The following FAF1 variants were observed in gnomAD, a reference collection of about 807,000 sequenced individuals.
FAF1 encodes FAS-associated factor 1.
A neutral mutation model predicts 92.5 loss-of-function variants in FAF1; 25 were observed. The ratio of observed to expected loss-of-function variants is 0.27; its 90% CI spans 0.20 to 0.38. FAF1 has a LOEUF of 0.38. FAF1 is among the 10% of genes least tolerant of loss of function. The pLI is 1.00. For synonymous variants in FAF1, 234 were observed against 273.2 expected (o/e 0.86, Z 1.42); for missense variants, 636 against 793.3 (o/e 0.80, Z 2.38).
intron 4 of FAF1, among the ~76,000 whole-genome samples, chr1:50,781,738 T>G (rs1254019566): frequency 1.3e-5 from 2 of 152,224 alleles, no homozygotes; most frequent in Non-Finnish European, 2.9e-5. Context: ...TTCTATGATA[T>G]AGCACATATT....
At chr1:50,745,293 C>A (rs930981748) in intron 4 of FAF1, among the ~76,000 whole-genome samples, 5 of 151,972 alleles carry the variant, frequency 3.3e-5, no homozygotes, top group Middle Eastern at 3.4e-3. Flanking sequence ...AAGAGAAAAA[C>A]CCCATCTCAA....
In FAF1 at chr1:50,736,934, A is replaced by T. The variant is rs907760721; in HGVS notation, c.551+1929T>A. ...TTTCAATATATATGCTATTTTAAAA[A>T]TCTCTAGTTTTATAGAAAGATACAT... On this transcript the variant is annotated intron_variant, in intron 6 of 18. Coordinates refer to ENST00000396153, the MANE Select transcript of FAF1 (RefSeq NM_007051.3). Among the ~76,000 whole-genome samples the T allele has an allele frequency of 3.5e-4, 53 of 152,290 alleles. 1 individual carries two copies. In the East Asian group the frequency reaches 0.01, roughly 29 times the overall value.
At chr1:50,839,241 A>G (rs1557552688) in intron 2 of FAF1, among the ~76,000 whole-genome samples, 1 of 152,166 alleles carries the variant, frequency 6.6e-6, no homozygotes, top group Non-Finnish European at 1.5e-5. Context: ...CAAGAAAAAA[A>G]TCAAGCTACT....
At chr1:50,879,080 TC>T (rs1235346367) in intron 1 of FAF1, among the ~76,000 whole-genome samples, 1 of 152,100 alleles carries the variant, frequency 6.6e-6, no homozygotes, top group African/African-American at 2.4e-5. Context: ...ACCCCGTCTC[TC>T]CTAGAAATAC....
In FAF1 at chr1:50,583,061, G is replaced by A. The variant is rs139830344; in HGVS notation, c.1032-362C>T. Among the ~76,000 whole-genome samples, 1 of 151,778 alleles carries A rather than the reference G, an allele frequency of 6.6e-6. No individual in the cohort carries two copies. Among genetic ancestry groups the A allele is most frequent in the Non-Finnish European group, 1.5e-5 (1 of 67,830 alleles). On this transcript the variant is annotated intron_variant, in intron 11 of 18. Coordinates refer to ENST00000396153, the MANE Select transcript of FAF1 (RefSeq NM_007051.3). This position sits in a 1 kb window ranked among gnomAD's most constrained non-coding sequence, Gnocchi z 4.2. ...ATTTATTCCAGAATTCCAATAGAAG[G>A]AAAAAACTGTTTCTTTTAAAAGTCT...
chr1:50,657,532 G>C (rs1002554693), intron 7 of FAF1, among the ~76,000 whole-genome samples: 26 of 152,080 alleles, frequency 1.7e-4, no homozygotes, highest in African/African-American at 6.3e-4. Flanking sequence ...ACTGAACTCT[G>C]GGTGACACAG....
At chr1:50,651,474 T>G (rs1654861697) in intron 8 of FAF1, among the ~76,000 whole-genome samples, 1 of 152,166 alleles carries the variant, frequency 6.6e-6, no homozygotes. Context: ...AATCCAATGA[T>G]ATCTAAGGCT....
At chr1:50,782,627 C>T (rs1255374554) in intron 4 of FAF1, among the ~76,000 whole-genome samples, 1 of 152,144 alleles carries the variant, frequency 6.6e-6, no homozygotes, top group Non-Finnish European at 1.5e-5. Context: ...GCAATCCTCC[C>T]ACCTAGGCCT....
At chr1:50,892,911 G>T (rs529101240) in intron 1 of FAF1, among the ~76,000 whole-genome samples, 1 of 152,156 alleles carries the variant, frequency 6.6e-6, no homozygotes, top group East Asian at 1.9e-4. Context: ...TCCTCTGACT[G>T]TATTTTTAAG....
In FAF1 at chr1:50,467,990, T is replaced by G. The variant is rs567645089; in HGVS notation, c.1869+7474A>C. Among the ~76,000 whole-genome samples the G allele has an allele frequency of 3.3e-5, 5 of 152,282 alleles. No homozygotes were observed. The South Asian group carries it at 8.3e-4, about 25-fold the overall frequency. ...TTGGATAGCCAAAGTAGGCAGATCA[T>G]CTGAGCCCAGGAGTTCGAGACTAGT... On this transcript the variant is annotated intron_variant, in intron 18 of 18. Coordinates refer to ENST00000396153, the MANE Select transcript of FAF1 (RefSeq NM_007051.3).
At chr1:50,521,413 C>T (rs959838703) in intron 15 of FAF1, among the ~76,000 whole-genome samples, 5 of 152,112 alleles carry the variant, frequency 3.3e-5, no homozygotes, top group Admixed American at 3.3e-4. Flanking sequence ...TCTTCCAATT[C>T]TTTTTAAAAG....
rs574309190 is a variant in FAF1, at chr1:50,667,075, T to C, written c.658-11547A>G. Among the ~76,000 whole-genome samples, 8 of 152,360 alleles carry C rather than the reference T, an allele frequency of 5.3e-5. No individual in the cohort carries two copies. In the South Asian group the frequency reaches 1.2e-3, roughly 24 times the overall value. ...GCCAGAACAAATAGCAACTTGTTAT[T>C]GTTTCAACAATTGAATGCTTCACAG... On this transcript the variant is annotated intron_variant, in intron 7 of 18. Transcript: ENST00000396153.
chr1:50,540,025 G>A (rs1410758142), intron 13 of FAF1, among the ~76,000 whole-genome samples: 2 of 152,014 alleles, frequency 1.3e-5, no homozygotes, highest in African/African-American at 4.8e-5. Context: ...AGGCTGGAGT[G>A]CAGTGTTGTG....
At chr1:50,693,570 A>T (rs1465713064) in intron 7 of FAF1, among the ~76,000 whole-genome samples, 1 of 152,142 alleles carries the variant, frequency 6.6e-6, no homozygotes, top group East Asian at 1.9e-4. Flanking sequence ...TACTTTTACA[A>T]TCTTATTGTA....
At chr1:50,456,740 G>A (rs1646357382) in intron 18 of FAF1, among the ~76,000 whole-genome samples, 1 of 152,094 alleles carries the variant, frequency 6.6e-6, no homozygotes. Flanking sequence ...TACAGTCTAG[G>A]GCAGAATGCT....
At chr1:50,544,762 A>G (rs1482723801) in intron 13 of FAF1, among the ~76,000 whole-genome samples, 2 of 152,218 alleles carry the variant, frequency 1.3e-5, no homozygotes, top group African/African-American at 4.8e-5. Context: ...AGGTTGTAAT[A>G]TAAAATAGAG....
At chr1:50,576,635 C>A (rs563667479) in intron 12 of FAF1, among the ~76,000 whole-genome samples, 4 of 54,844 alleles carry the variant, frequency 7.3e-5, no homozygotes, top group South Asian at 4.3e-4. Flanking sequence ...TCCGCACCGC[C>A]CCCCCCCCGC....
intron 15 of FAF1, among the ~76,000 whole-genome samples, chr1:50,508,924 G>A (rs569935773): frequency 2.1e-4 from 32 of 152,138 alleles, no homozygotes; most frequent in African/African-American, 6.7e-4. Flanking sequence ...AGCTGGTCTC[G>A]AACTCCTGAC....
intron 15 of FAF1, among the ~76,000 whole-genome samples, chr1:50,506,444 C>G (rs890941799): frequency 2.0e-5 from 3 of 152,140 alleles, no homozygotes; most frequent in Admixed American, 6.6e-5. Context: ...ACTCTCCACC[C>G]CTTCTCCTTC....
Sources: allele counts gnomAD v4.1 joint callset (sites outside exome capture counted in the v4.1 genomes callset), GRCh38; gene constraint gnomAD v4.1.1; non-coding constraint Gnocchi (gnomAD v3.1); transcripts MANE v1.5; gene names NCBI Gene and HGNC (gene_info 2026-07-23, HGNC 2026-07-21).